The following TRAPPC9 variants were observed in gnomAD, a reference collection of about 807,000 sequenced individuals.
The protein encoded by TRAPPC9 is trafficking protein particle complex subunit 9, also known as IKK2 binding protein.
In TRAPPC9, 83 loss-of-function variants were observed where a neutral mutation model predicts 124.0. The observed-to-expected ratio is 0.67, with a 90% CI of 0.56 to 0.80. The LOEUF (loss-of-function observed/expected upper bound fraction) is 0.80. TRAPPC9 is among the 30% of genes least tolerant of loss of function. The probability of loss-of-function intolerance (pLI) is 0.00; values close to 1 mark genes in which losing one functional copy is unlikely to be tolerated. For missense variants in TRAPPC9, 1,302 were observed against 1,508.3 expected (o/e 0.86, Z 2.27); for synonymous variants, 638 against 617.5 (o/e 1.03, Z -0.49).
intron 17 of TRAPPC9, among the ~76,000 whole-genome samples, chr8:140,115,893 G>T (rs185189091): frequency 8.7e-4 from 133 of 152,312 alleles, no homozygotes; most frequent in African/African-American, 3.1e-3. Context: ...GAGCGAATGT[G>T]ACAGTGCTCG....
intron 15 of TRAPPC9, among the ~76,000 whole-genome samples, chr8:140,256,735 G>C (rs960785613): frequency 6.6e-6 from 1 of 152,064 alleles, no homozygotes; most frequent in African/African-American, 2.4e-5. Flanking sequence ...TTCCTAGCTT[G>C]CCATTGGCTG....
At chr8:140,146,926 A>G (rs1416726465) in intron 17 of TRAPPC9, among the ~76,000 whole-genome samples, 2 of 152,186 alleles carry the variant, frequency 1.3e-5, no homozygotes, top group Non-Finnish European at 2.9e-5. Context: ...TAATAACTAA[A>G]TGTGAAAAAG....
At chr8:140,390,267 T>C (rs1030775018) in intron 7 of TRAPPC9, among the ~76,000 whole-genome samples, 4 of 152,102 alleles carry the variant, frequency 2.6e-5, no homozygotes, top group Admixed American at 2.6e-4. Context: ...ATCCGGCCAC[T>C]GCACTCCAGT....
intron 21 of TRAPPC9, among the ~76,000 whole-genome samples, chr8:139,756,090 AGGACAGCAGG>A (rs1819746253): frequency 2.8e-5 from 3 of 105,496 alleles, no homozygotes; most frequent in Non-Finnish European, 5.5e-5. Flanking sequence ...TTTGGGGATG[AGGACAGCAGG>A]TCACAGGAGG....
chr8:140,332,320 G>C (rs571767409), intron 9 of TRAPPC9, among the ~76,000 whole-genome samples: 1 of 152,318 alleles, frequency 6.6e-6, no homozygotes, highest in African/African-American at 2.4e-5. Flanking sequence ...GGGAAGGGTT[G>C]GGGGAAGGAA....
intron 17 of TRAPPC9, among the ~76,000 whole-genome samples, chr8:140,037,091 T>C (rs1422585062): frequency 6.6e-6 from 1 of 152,036 alleles, no homozygotes; most frequent in Non-Finnish European, 1.5e-5. Flanking sequence ...TGTCATGTGA[T>C]GTATTTCAAA....
At chr8:140,050,970 C>T (rs922390251) in intron 17 of TRAPPC9, among the ~76,000 whole-genome samples, 3 of 152,156 alleles carry the variant, frequency 2.0e-5, no homozygotes, top group South Asian at 4.2e-4. Flanking sequence ...CGGAAGTCAC[C>T]GAAACAGTCC....
intron 17 of TRAPPC9, among the ~76,000 whole-genome samples, chr8:140,049,555 G>A (rs187641753): frequency 2.0e-5 from 3 of 146,362 alleles, no homozygotes; most frequent in South Asian, 2.1e-4. Context: ...TCCCCCCCCC[G>A]AGACCACCAA....
chr8:139,770,682 C>T (rs558218954), intron 21 of TRAPPC9, among the ~76,000 whole-genome samples: 9 of 152,328 alleles, frequency 5.9e-5, no homozygotes, highest in South Asian at 2.1e-4. Context: ...GGGGACATCA[C>T]TAATGAGAAA....
At chr8:140,388,026 T>C (rs10875451) in intron 7 of TRAPPC9, among the ~76,000 whole-genome samples, 63,013 of 151,540 alleles carry the variant, frequency 0.42, 13,338 homozygotes, top group East Asian at 0.55. Context: ...ATGTACACCA[T>C]GGAATACTAT....
intron 19 of TRAPPC9, among the ~76,000 whole-genome samples, chr8:139,923,349 C>A (rs1832621847): frequency 6.6e-6 from 1 of 152,214 alleles, no homozygotes; most frequent in African/African-American, 2.4e-5. Context: ...CATGGGGGCT[C>A]AGGTGACATG....
chr8:140,003,073 G>A (rs989152844), intron 18 of TRAPPC9, among the ~76,000 whole-genome samples: 51 of 151,862 alleles, frequency 3.4e-4, no homozygotes, highest in African/African-American at 1.1e-3. Flanking sequence ...AAAAAGTTAC[G>A]GAATTGAAGA....
chr8:140,251,765 G>C (rs1263647888), intron 16 of TRAPPC9, among the ~76,000 whole-genome samples: 2 of 152,208 alleles, frequency 1.3e-5, no homozygotes, highest in South Asian at 2.1e-4. Context: ...GTGGACACCA[G>C]AGCTCCCTCT....
chr8:139,918,318 TC>T (rs1268492379), intron 19 of TRAPPC9, among the ~76,000 whole-genome samples: 3 of 152,208 alleles, frequency 2.0e-5, no homozygotes, highest in Admixed American at 2.0e-4. Context: ...GCACTCTGCT[TC>T]CTCGATCTGT....
intron 15 of TRAPPC9, among the ~76,000 whole-genome samples, chr8:140,272,196 T>C (rs2064941583): frequency 8.6e-6 from 1 of 116,922 alleles, no homozygotes; most frequent in Admixed American, 1.1e-4. Flanking sequence ...ATGGTGGTGA[T>C]GGTGGCAGTG....
intron 17 of TRAPPC9, among the ~76,000 whole-genome samples, chr8:140,135,508 T>C (rs769297686): frequency 1.3e-5 from 2 of 152,172 alleles, no homozygotes; most frequent in Non-Finnish European, 2.9e-5. Flanking sequence ...TTTAACAACA[T>C]TATACCAGGT....
At chr8:139,852,600 C>A (rs934752251) in intron 21 of TRAPPC9, among the ~76,000 whole-genome samples, 15 of 152,182 alleles carry the variant, frequency 9.9e-5, no homozygotes, top group Non-Finnish European at 1.9e-4. Flanking sequence ...CCCAAAGGCA[C>A]TAATGGTGTT....
At chr8:140,044,141 C>T (rs564016533) in intron 17 of TRAPPC9, among the ~76,000 whole-genome samples, 17 of 152,276 alleles carry the variant, frequency 1.1e-4, no homozygotes, top group African/African-American at 3.9e-4. Flanking sequence ...GACCCCAGTG[C>T]CATCCCCTCT....
intron 19 of TRAPPC9, among the ~76,000 whole-genome samples, chr8:139,918,864 C>A (rs1239518043): frequency 6.6e-6 from 1 of 152,228 alleles, no homozygotes; most frequent in Non-Finnish European, 1.5e-5. Flanking sequence ...TCCTCCTGCA[C>A]CACGGGTCAT....
Sources: allele counts gnomAD v4.1 joint callset (sites outside exome capture counted in the v4.1 genomes callset), GRCh38; gene constraint gnomAD v4.1.1; transcripts MANE v1.5; gene names NCBI Gene and HGNC (gene_info 2026-07-23, HGNC 2026-07-21).